BEND3: variants seen among roughly 807,000 people sequenced by gnomAD.
BEND3 encodes BEN domain-containing protein 3.
In BEND3, 13 loss-of-function variants were observed where a neutral mutation model predicts 60.1. The observed-to-expected ratio is 0.22, with a 90% confidence interval of 0.14 to 0.34. BEND3 has a LOEUF of 0.34. BEND3 is among the 10% of genes least tolerant of loss of function. The probability of loss-of-function intolerance (pLI) is 1.00; values close to 1 mark genes in which losing one functional copy is unlikely to be tolerated. For synonymous variants in BEND3, 497 were observed against 491.5 expected, an observed-to-expected ratio of 1.01 and a Z score of -0.15; for missense variants, 896 against 1,138.1, an observed-to-expected ratio of 0.79 and a Z score of 3.06.
At chr6:107,094,296 C>T (rs145857476) in intron 3 of BEND3, among the ~76,000 whole-genome samples, 1 of 152,074 alleles carries the variant, frequency 6.6e-6, no homozygotes, top group Non-Finnish European at 1.5e-5. Flanking sequence ...TAAAAAGATT[C>T]TCCACATCAT....
At chr6:107,088,687 G>A (rs1012694710) in intron 3 of BEND3, among the ~76,000 whole-genome samples, 2 of 152,154 alleles carry the variant, frequency 1.3e-5, no homozygotes, top group African/African-American at 4.8e-5. Flanking sequence ...AAGCAAGGAA[G>A]GGGACTGACA....
chr6:107,089,599 G>A (rs141222131), intron 3 of BEND3, among the ~76,000 whole-genome samples: 1 of 110,974 alleles, frequency 9.0e-6, no homozygotes, highest in African/African-American at 2.9e-5. Flanking sequence ...AAAAAAAAAG[G>A]ATTTTTTTTT....
chr6:107,086,283 T>A (rs1177159557), intron 3 of BEND3, among the ~76,000 whole-genome samples: 2 of 152,108 alleles, frequency 1.3e-5, no homozygotes, highest in East Asian at 3.9e-4. Flanking sequence ...ATGGAGGAAC[T>A]ACAAAGTCCA....
At chr6:107,071,840 C>T (rs1364606833) in intron 3 of BEND3, among the ~76,000 whole-genome samples, 1 of 152,112 alleles carries the variant, frequency 6.6e-6, no homozygotes, top group African/African-American at 2.4e-5. Flanking sequence ...TGACAGAATG[C>T]AGATAGTCAT....
rs1554231663 is a variant in BEND3, at chr6:107,070,015, C to T, written c.1176G>A (p.Val392=). The change falls in exon 4 of 4, where the codon GTG becomes GTA. Residue 392 remains valine, a synonymous_variant. Transcript: ENST00000369042. This position sits in a 1 kb window ranked among gnomAD's most constrained non-coding sequence, Gnocchi z 6.9. Reference sequence around the variant, plus strand: ...GGAACTCAGTGAGGTCCTGCGTGTCCACCACGTGGTCTGAGGCGATGGTGC... The same window carrying T: ...GGAACTCAGTGAGGTCCTGCGTGTCTACCACGTGGTCTGAGGCGATGGTGC... ...RSSTIASDHV[V]DTQDLTEFLD... 1.2e-6 allele frequency: 2 copies of T among 1,613,594 alleles called. No homozygotes were observed. The highest frequency in any genetic ancestry group is 1.7e-6 in the Non-Finnish European group (2 of 1,180,014).
chr6:107,066,603 C>T lies in BEND3; in HGVS notation c.*2101G>A, dbSNP rs1774834924. ...TGTGCTTCTAAAGTTGCAGGGTCAA[C>T]ATTCCACCCTCTAGAAAGCAGGGCA... On this transcript the variant is annotated 3_prime_UTR_variant, in exon 4 of 4. Transcript: ENST00000369042. 1 of 152,590 alleles carries T rather than the reference C, an allele frequency of 6.6e-6. No homozygotes were observed. Among genetic ancestry groups the T allele is most frequent in the Admixed American group, 6.5e-5 (1 of 15,280 alleles). 9.5% of individuals were successfully genotyped at this position (152,590 alleles called of 1,614,324 possible).
intron 3 of BEND3, among the ~76,000 whole-genome samples, chr6:107,080,762 T>C (rs1357408604): frequency 6.6e-6 from 1 of 151,906 alleles, no homozygotes; most frequent in African/African-American, 2.4e-5. Context: ...TGCGCACCTG[T>C]AACCCCAGCT....
At chr6:107,111,344 C>G (rs1166671067) in intron 1 of BEND3, among the ~76,000 whole-genome samples, 1 of 152,128 alleles carries the variant, frequency 6.6e-6, no homozygotes, top group East Asian at 1.9e-4. Context: ...AACCCCGTCT[C>G]TACTAAAAAT....
chr6:107,093,687 A>C (rs1554235567), intron 3 of BEND3, among the ~76,000 whole-genome samples: 1 of 152,236 alleles, frequency 6.6e-6, no homozygotes, highest in Non-Finnish European at 1.5e-5. Flanking sequence ...CTGGACATCC[A>C]CATGCAAATA....
In BEND3 at chr6:107,100,510, G is replaced by T. The variant is rs539736059; in HGVS notation, c.-11-1214C>A. 6.6e-5 allele frequency among the ~76,000 whole-genome samples: 10 copies of T among 150,588 alleles called. No individual in the cohort carries two copies. The East Asian group carries it at 2.0e-3, about 30-fold the overall frequency. On this transcript the variant is annotated intron_variant, in intron 1 of 3. Coordinates refer to ENST00000369042, the MANE Select transcript of BEND3 (RefSeq NM_001367314.1). ...TCTCGATCTCCTGACCTCATGATCC[G>T]CCCACCTCAGCCTCCCAAAGTGCTG...
chr6:107,109,486 C>T (rs992607304), intron 1 of BEND3, among the ~76,000 whole-genome samples: 4 of 136,374 alleles, frequency 2.9e-5, no homozygotes, highest in African/African-American at 1.1e-4. Context: ...TAGTGGCTTA[C>T]ACCTGTAATC....
intron 1 of BEND3, among the ~76,000 whole-genome samples, chr6:107,100,549 G>A (rs1775683015): frequency 6.6e-6 from 1 of 152,142 alleles, no homozygotes; most frequent in South Asian, 2.1e-4. Flanking sequence ...TTAGAGGTGT[G>A]AGCCATTGTG....
rs1774822371 is a variant in BEND3 at position 107,066,100 on chromosome 6, A to T, written c.*2604T>A. On this transcript the variant is annotated 3_prime_UTR_variant, in exon 4 of 4. Transcript: ENST00000369042. ...AGTCCTTGGGATACAAGGCCAAAAA[A>T]AAAAAAAAAAAAATCCAAAAAACAA... The T allele has an allele frequency of 6.6e-6, 1 of 151,924 alleles. No homozygotes were observed. The highest frequency in any genetic ancestry group is 1.5e-5 in the Non-Finnish European group (1 of 67,976). The allele number at this position is 151,924 out of a possible 1,614,324, so 9.4% of individuals were successfully genotyped here. A position where few individuals can be genotyped will look rare whatever the true frequency, so the allele number is the denominator to read the frequency against.
chr6:107,068,753 T>A lies in BEND3; in HGVS notation c.2438A>T (p.Asn813Ile). Residue 813 changes from asparagine to isoleucine, a missense_variant, in exon 4 of 4, where the codon AAC becomes ATC. Physicochemically the swap from Asn to Ile is moderately radical, Grantham distance 149. This residue lies in a region of BEND3 where 16 missense variants were observed against 18.0 expected (regional missense o/e 0.89). Coordinates refer to ENST00000369042, the MANE Select transcript of BEND3 (RefSeq NM_001367314.1). This position sits in a 1 kb window ranked among gnomAD's most constrained non-coding sequence, Gnocchi z 5.8. ...PSIDERCRRP[N>I]RKKCDILKKA... ...CTTGAGGATGTCGCATTTTTTCCTG[T>A]TGGGGCGGCGGCACCTCTCATCGAT... 6.2e-7 allele frequency: 1 copy of A among 1,613,986 alleles called. No individual in the cohort carries two copies. Among genetic ancestry groups the A allele is most frequent in the Non-Finnish European group, 8.5e-7 (1 of 1,180,024 alleles).
intron 3 of BEND3, among the ~76,000 whole-genome samples, chr6:107,076,405 T>C (rs1237220089): frequency 6.6e-6 from 1 of 152,184 alleles, no homozygotes; most frequent in African/African-American, 2.4e-5. Flanking sequence ...GGGCGTTTCA[T>C]TCAGCCACCA....
chr6:107,108,815 G>C (rs1554237919), intron 1 of BEND3, among the ~76,000 whole-genome samples: 1 of 152,168 alleles, frequency 6.6e-6, no homozygotes, highest in Non-Finnish European at 1.5e-5. Flanking sequence ...TTGATTGATT[G>C]ATTGATTTGA....
chr6:107,104,735 C>T (rs1341989612), intron 1 of BEND3, among the ~76,000 whole-genome samples: 2 of 150,538 alleles, frequency 1.3e-5, no homozygotes, highest in African/African-American at 4.9e-5. Context: ...GTGGTATGAT[C>T]GTGTCTTACT....
intron 3 of BEND3, among the ~76,000 whole-genome samples, chr6:107,089,632 T>C (rs1207125135): frequency 1.4e-5 from 2 of 145,280 alleles, no homozygotes; most frequent in Admixed American, 1.4e-4. Context: ...TCTCGCTCTG[T>C]CACCCAGGCT....
intron 2 of BEND3, 151 bp downstream of exon 2, chr6:107,099,098 G>A (rs185756766): frequency 3.0e-6 from 2 of 663,410 alleles, no homozygotes; most frequent in African/African-American, 3.6e-5. Flanking sequence ...CAAGTGTGTG[G>A]GTGGAGGGGG....
Sources: gnomAD v4.1 joint callset for allele counts (sites outside exome capture counted in the v4.1 genomes callset) on GRCh38, gnomAD v4.1.1 for gene constraint, gnomAD v4.1.1 regional missense constraint, Gnocchi (gnomAD v3.1) non-coding constraint, MANE v1.5 for transcripts, NCBI Gene and HGNC (gene_info 2026-07-23, HGNC 2026-07-21) for gene names.